Variants in VSTM2A observed in about 807,000 individuals in gnomAD.
VSTM2A encodes the protein V-set and transmembrane domain containing 2A, also known as V-set and transmembrane domain-containing protein 2A.
A neutral mutation model predicts 27.3 loss-of-function variants in VSTM2A; 13 were observed. The observed-to-expected ratio is 0.48, with a 90% CI of 0.31 to 0.76. The LOEUF (loss-of-function observed/expected upper bound fraction) is 0.76. VSTM2A is among the 30% of genes least tolerant of loss of function. The pLI is 0.05. For missense variants in VSTM2A, 280 were observed against 310.0 expected (o/e 0.90, Z 0.73); for synonymous variants, 142 against 125.7 (o/e 1.13, Z -0.87).
In VSTM2A at chr7:54,569,419, G is replaced by A; in HGVS notation, c.*200G>A. The A allele has an allele frequency of 2.2e-6, 2 of 926,784 alleles. No individual in the cohort carries two copies. The highest frequency in any genetic ancestry group is 3.6e-5 in the South Asian group (2 of 55,536). 57.4% of individuals were successfully genotyped at this position (926,784 alleles called of 1,614,324 possible). ...TAAAATCATCTCACTGACTGCTCAA[G>A]GGTTGGCCTGAATGTCATCAGGATA... On this transcript the variant is annotated 3_prime_UTR_variant, in exon 5 of 5. Transcript: ENST00000402613.
At chr7:54,566,067 G>T (rs2687258) in intron 4 of VSTM2A, among the ~76,000 whole-genome samples, 4 of 152,084 alleles carry the variant, frequency 2.6e-5, no homozygotes, top group African/African-American at 9.7e-5. Flanking sequence ...AAAGACGGGG[G>T]AATTACAGTC....
At chr7:54,553,985 C>A (rs1247056349) in intron 4 of VSTM2A, 1 of 1,553,044 alleles carries the variant, frequency 6.4e-7, no homozygotes, top group Non-Finnish European at 8.7e-7. Context: ...CAACGTCACA[C>A]AGAACTGTGA....
Position 54,542,571 on chromosome 7 carries a change from A to G in VSTM2A, c.-160A>G, listed in dbSNP as rs556720521. On this transcript the variant is annotated 5_prime_UTR_variant, in exon 1 of 5. Transcript: ENST00000402613. ...CTGGTTCTAACCTTCCAGAATCGCA[A>G]TCCCTTCTCCCCACAGCCAGCCCTC... is the stretch of plus-strand genomic sequence containing the variant. 6.6e-5 allele frequency: 42 copies of G among 640,830 alleles called. No individual in the cohort carries two copies. The South Asian group carries it at 7.4e-4, about 11-fold the overall frequency. 39.7% of individuals were successfully genotyped at this position (640,830 alleles called of 1,614,324 possible).
chr7:54,568,982 GCGAATAT>G, intron 4 of VSTM2A, 142 bp from the exon 5 acceptor site: 1 of 1,574,142 alleles, frequency 6.4e-7, no homozygotes, highest in Non-Finnish European at 8.6e-7. Context: ...TTCAAGATGA[GCGAATAT>G]CTTATAACTT....
chr7:54,546,789 C>A, intron 2 of VSTM2A, 158 bp from the exon 3 acceptor site: 1 of 731,660 alleles, frequency 1.4e-6, no homozygotes, highest in Non-Finnish European at 2.1e-6. Flanking sequence ...GGGGGCGGTG[C>A]GGTCTGGGCC....
At chr7:54,542,951 C>T in intron 1 of VSTM2A, 142 bp downstream of exon 1, 3 of 778,548 alleles carry the variant, frequency 3.9e-6, no homozygotes, top group Non-Finnish European at 6.2e-6. Flanking sequence ...TTCTGTTTGA[C>T]GATTTTTTTT....
intron 4 of VSTM2A, among the ~76,000 whole-genome samples, chr7:54,566,601 T>A (rs2115942205): frequency 6.6e-6 from 1 of 152,236 alleles, no homozygotes; most frequent in East Asian, 1.9e-4. Flanking sequence ...TTATCCTGCT[T>A]GGCCTCAGCA....
chr7:54,544,838 A>C (rs1480465732), intron 2 of VSTM2A, 50 bp downstream of exon 2: 5 of 1,534,738 alleles, frequency 3.3e-6, no homozygotes, highest in Non-Finnish European at 4.4e-6. Context: ...CCCGGTCCTC[A>C]GGGTGTCCGG....
At chr7:54,565,746 G>T (rs944832158) in intron 4 of VSTM2A, among the ~76,000 whole-genome samples, 1 of 152,208 alleles carries the variant, frequency 6.6e-6, no homozygotes, top group Non-Finnish European at 1.5e-5. Flanking sequence ...ACTATGTTTT[G>T]ATTGTTTTTA....
rs553823743 is a variant in VSTM2A, at chr7:54,567,425, TGGATATAGTATGATA to T, written c.635-1702_635-1688del. On this transcript the variant is annotated intron_variant, in intron 4 of 4. Transcript: ENST00000402613. ...AAATCATGCTTTAACTTGCACATGC[TGGATATAGTATGATA>T]GGAAATGCTGCATCAAAATGAAGCA... 4.0e-3 allele frequency among the ~76,000 whole-genome samples: 605 copies of T among 152,342 alleles called. 4 individuals are homozygous for T. Among genetic ancestry groups the T allele is most frequent in the African/African-American group, 0.014 (591 of 41,580 alleles).
intron 4 of VSTM2A, 62 bp from the exon 5 acceptor site, chr7:54,569,069 A>AG (rs1426799193): frequency 6.2e-7 from 1 of 1,606,428 alleles, no homozygotes; most frequent in African/African-American, 1.3e-5. Flanking sequence ...GGCTTTGTGA[A>AG]GGGTGCTTTG....
rs565788639 is a variant in VSTM2A, at chr7:54,545,350, G to A, written c.246+562G>A. On this transcript the variant is annotated intron_variant, in intron 2 of 4. Transcript: ENST00000402613. ...AGGAGGGAGAGAAGGAGAGAAGAAAGGGGGAGACCGGGAGAGGCACAGAGA... is the reference window on the plus strand; with the variant it reads ...AGGAGGGAGAGAAGGAGAGAAGAAAAGGGGAGACCGGGAGAGGCACAGAGA... Among the ~76,000 whole-genome samples the A allele has an allele frequency of 2.0e-4, 30 of 150,282 alleles. No individual in the cohort carries two copies. The South Asian group carries it at 4.9e-3, about 25-fold the overall frequency.
At chr7:54,544,166 T>C (rs1193523927) in intron 1 of VSTM2A, among the ~76,000 whole-genome samples, 1 of 152,244 alleles carries the variant, frequency 6.6e-6, no homozygotes, top group Non-Finnish European at 1.5e-5. Context: ...AATGTGCATT[T>C]TGACAGATAA....
intron 3 of VSTM2A, among the ~76,000 whole-genome samples, chr7:54,548,231 T>C (rs1788067658): frequency 6.6e-6 from 1 of 152,196 alleles, no homozygotes; most frequent in South Asian, 2.1e-4. Context: ...TGACCCCTGA[T>C]GCATACATTG....
At chr7:54,565,309 C>T (rs73118036) in intron 4 of VSTM2A, among the ~76,000 whole-genome samples, 17,780 of 152,254 alleles carry the variant, frequency 0.12, 1,457 homozygotes, top group Middle Eastern at 0.18. Context: ...TGAGGATTAA[C>T]CAATATGATG....
chr7:54,568,661 G>GAA (rs546125782), intron 4 of VSTM2A, among the ~76,000 whole-genome samples: 76 of 146,990 alleles, frequency 5.2e-4, no homozygotes, highest in South Asian at 2.2e-3. Context: ...CATGCAGTAG[G>GAA]AAAAAAAAAA....
intron 4 of VSTM2A, chr7:54,553,928 C>T (rs1474296975): frequency 6.4e-7 from 1 of 1,551,474 alleles, no homozygotes; most frequent in Admixed American, 2.0e-5. Context: ...TCCTTCCTTT[C>T]TTCTCTCTGT....
intron 2 of VSTM2A, 148 bp from the exon 3 acceptor site, chr7:54,546,799 C>A: frequency 1.1e-6 from 1 of 949,492 alleles, no homozygotes; most frequent in Non-Finnish European, 1.5e-6. Flanking sequence ...CGGTCTGGGC[C>A]TGGACAGGGG....
At chr7:54,557,582 C>G (rs752655627) in intron 4 of VSTM2A, among the ~76,000 whole-genome samples, 21 of 152,084 alleles carry the variant, frequency 1.4e-4, no homozygotes, top group Non-Finnish European at 2.9e-4. Context: ...GATCCCCTCT[C>G]TTTGGCCTCC....
Sources: allele counts gnomAD v4.1 joint callset (sites outside exome capture counted in the v4.1 genomes callset), GRCh38; gene constraint gnomAD v4.1.1; transcripts MANE v1.5; gene names NCBI Gene and HGNC (gene_info 2026-07-23, HGNC 2026-07-21).